The following CHRDL2 variants were observed in gnomAD, a reference collection of about 807,000 sequenced individuals.
CHRDL2 encodes the protein chordin like 2.
In CHRDL2, 41 loss-of-function variants were observed where a neutral mutation model predicts 54.3. The ratio of observed to expected loss-of-function variants is 0.76; its 90% confidence interval spans 0.59 to 0.98. The LOEUF is 0.98. Ranked by LOEUF, CHRDL2 falls within the 50% of genes least tolerant of loss-of-function variation. The probability of loss-of-function intolerance (pLI) is 0.00; values close to 1 mark genes in which losing one functional copy is unlikely to be tolerated. For missense variants in CHRDL2, 518 were observed against 562.4 expected (o/e 0.92, Z 0.80); for synonymous variants, 220 against 224.3 (o/e 0.98, Z 0.17).
At chr11:74,701,553 G>T (rs921871014) in intron 9 of CHRDL2, 1 of 713,270 alleles carries the variant, frequency 1.4e-6, no homozygotes, top group Non-Finnish European at 2.6e-6. Flanking sequence ...CGCATCTGAC[G>T]CCACAAGACA....
At chr11:74,700,643 A>ATTTTTTTT (rs10661880) in intron 9 of CHRDL2, among the ~76,000 whole-genome samples, 1 of 136,012 alleles carries the variant, frequency 7.4e-6, no homozygotes, top group Non-Finnish European at 1.6e-5. Context: ...TATTATTATT[A>ATTTTTTTT]TTTTTTTTTT....
Position 74,704,526 on chromosome 11 carries a change from G to T in CHRDL2, c.711C>A (p.Ser237Arg), listed in dbSNP as rs1208422050. The T allele has an allele frequency of 6.3e-7, 1 of 1,585,588 alleles. No homozygotes were observed. The highest frequency in any genetic ancestry group is 8.5e-7 in the Non-Finnish European group (1 of 1,169,784). Residue 237 changes from serine (S) to arginine (R), a missense_variant, in exon 7 of 11, where the codon AGC becomes AGA. Physicochemically the swap from Ser to Arg is moderately radical, Grantham distance 110. Transcript: ENST00000376332. ...PRHFRPKGAG[S>R]TTVKIVLKEK... is the part of the protein sequence containing the mutation. ...CCTTCAGGACGATCTTGACAGTTGT[G>T]CTGCCTGCTCCCTTGGGTCTGAAGT...
In CHRDL2 at chr11:74,713,237, G is replaced by C. The variant is rs550358455; in HGVS notation, c.289+149C>G. 19 of 626,346 alleles carry C rather than the reference G, an allele frequency of 3.0e-5. No homozygotes were observed. In the South Asian group the frequency reaches 4.0e-4, roughly 13 times the overall value. 38.8% of individuals were successfully genotyped at this position (626,346 alleles called of 1,614,324 possible). The stretch of plus-strand genomic sequence containing the variant: ...ACCCCAGCACTGCCTGGGGATCTGG[G>C]ATATTTCCTCCCTTGAGCACCTTTG... On this transcript the variant is annotated intron_variant, in intron 3 of 10. Transcript: ENST00000376332.
At chr11:74,729,190 C>T (rs2034614101) in intron 1 of CHRDL2, among the ~76,000 whole-genome samples, 1 of 152,160 alleles carries the variant, frequency 6.6e-6, no homozygotes, top group Non-Finnish European at 1.5e-5. Flanking sequence ...GGACTAAGAA[C>T]AAGGTGTCAA....
chr11:74,714,517 C>T (rs1224124410), intron 2 of CHRDL2, among the ~76,000 whole-genome samples: 1 of 152,198 alleles, frequency 6.6e-6, no homozygotes, highest in Admixed American at 6.5e-5. Context: ...CAGCCTCTTG[C>T]CCCATGGAAG....
At chr11:74,727,684 C>T (rs373361527) in intron 1 of CHRDL2, among the ~76,000 whole-genome samples, 22 of 152,164 alleles carry the variant, frequency 1.4e-4, no homozygotes, top group East Asian at 9.7e-4. Flanking sequence ...AGATTACAGG[C>T]GTGAGCCACT....
Position 74,701,430 on chromosome 11 carries a change from C to G in CHRDL2, c.1120+1364G>C, listed in dbSNP as rs1324779163. On this transcript the variant is annotated intron_variant, in intron 9 of 10. Coordinates refer to ENST00000376332, the MANE Select transcript of CHRDL2 (RefSeq NM_001278473.3). ...CTCTGCCTGGGACAGCCCTTCAGAG[C>G]CACGAAGCCAGCAGTCCTGTCCCCC... 3 of 539,476 alleles carry G rather than the reference C, an allele frequency of 5.6e-6. No homozygotes were observed. The Admixed American group carries it at 9.3e-5, about 17-fold the overall frequency. The allele number at this position is 539,476 out of a possible 1,614,324, so 33.4% of individuals were successfully genotyped here. A position where few individuals can be genotyped will look rare whatever the true frequency, so the allele number is the denominator to read the frequency against.
chr11:74,703,487 C>T lies in CHRDL2; in HGVS notation c.764G>A (p.Gly255Asp), dbSNP rs779677559. The change falls in exon 8 of 11, where the codon GGC becomes GAC. Residue 255 changes from glycine (G) to aspartate (D), a missense_variant. Physicochemically the swap from Gly to Asp is moderately conservative, Grantham distance 94. Transcript: ENST00000376332. The stretch of plus-strand genomic sequence containing the variant: ...CTCCCCGTGGGAGTACGTCTTCCCG[C>T]CATGCACACAGGCTGAATAAGGAGG... The part of the protein sequence containing the change: ...KEKHKKACVH[G>D]GKTYSHGEVW... 2 of 1,600,398 alleles carry T rather than the reference C, an allele frequency of 1.2e-6. No individual in the cohort carries two copies. Among genetic ancestry groups the T allele is most frequent in the East Asian group, 2.2e-5 (1 of 44,528 alleles).
intron 9 of CHRDL2, among the ~76,000 whole-genome samples, chr11:74,700,637 A>ATTTT (rs1478150277): frequency 5.0e-5 from 7 of 139,634 alleles, no homozygotes; most frequent in African/African-American, 1.9e-4. Flanking sequence ...TATTATTATT[A>ATTTT]TTATTATTTT....
intron 3 of CHRDL2, among the ~76,000 whole-genome samples, chr11:74,712,461 C>G (rs552323361): frequency 7.2e-5 from 11 of 152,280 alleles, no homozygotes; most frequent in African/African-American, 2.6e-4. Flanking sequence ...TGAGGCCCCC[C>G]AGAGTCGGCA....
At chr11:74,704,687 CTG>C in intron 6 of CHRDL2, 33 bp from the exon 7 acceptor site, 1 of 1,592,960 alleles carries the variant, frequency 6.3e-7, no homozygotes, top group Non-Finnish European at 8.5e-7. Context: ...AAGTCACTGA[CTG>C]AGCATAGCAG....
intron 4 of CHRDL2, among the ~76,000 whole-genome samples, chr11:74,710,387 G>A (rs1473735600): frequency 6.6e-6 from 1 of 152,142 alleles, no homozygotes; most frequent in Admixed American, 6.5e-5. Context: ...CTGCCTGCCC[G>A]GAGGTCCAGC....
At chr11:74,719,828 T>C (rs997265542) in intron 1 of CHRDL2, among the ~76,000 whole-genome samples, 15 of 152,164 alleles carry the variant, frequency 9.9e-5, no homozygotes, top group African/African-American at 3.4e-4. Context: ...CATAACCCAC[T>C]GATCCACTCC....
intron 6 of CHRDL2, among the ~76,000 whole-genome samples, chr11:74,706,087 T>C (rs2034001090): frequency 6.6e-6 from 1 of 151,836 alleles, no homozygotes; most frequent in African/African-American, 2.4e-5. Flanking sequence ...AGAGGCAGGC[T>C]CTAAAGAGCC....
At position 74,702,821 on chromosome 11, in the gene CHRDL2, C is replaced by T; in HGVS notation, c.1093G>A (p.Glu365Lys). ...TTTACCAGCTTCCAGAGGTAGATCT[C>T]CACCAAGTCCGAGGCCTCGTGTTCC... ...ALEHEASDLV[E>K]IYLWKLVKGI... Residue 365 changes from glutamate (E) to lysine (K), a missense_variant, in exon 9 of 11, where the codon GAG becomes AAG. Transcript: ENST00000376332. 1 of 1,613,970 alleles carries T rather than the reference C, an allele frequency of 6.2e-7. No homozygotes were observed. The highest frequency in any genetic ancestry group is 8.5e-7 in the Non-Finnish European group (1 of 1,179,998).
chr11:74,697,312 A>G lies in CHRDL2; in HGVS notation c.1121-15T>C. ...GTGGAAGATTCCTGAGGGCAGAGAC[A>G]AGGATGTGAGCAGGCAAGGCAAAAA... On this transcript the variant is annotated splice_polypyrimidine_tract_variant and intron_variant, in intron 9 of 10. Transcript: ENST00000376332. 5.0e-6 allele frequency: 8 copies of G among 1,608,248 alleles called. No individual in the cohort carries two copies. Among genetic ancestry groups the G allele is most frequent in the Non-Finnish European group, 6.8e-6 (8 of 1,175,212 alleles).
intron 2 of CHRDL2, among the ~76,000 whole-genome samples, chr11:74,713,874 G>A (rs1295489825): frequency 6.6e-6 from 1 of 152,194 alleles, no homozygotes; most frequent in African/African-American, 2.4e-5. Flanking sequence ...AATGAAACAT[G>A]AGGACAGGTG....
At chr11:74,720,458 C>G (rs1328322914) in intron 1 of CHRDL2, 1 of 153,130 alleles carries the variant, frequency 6.5e-6, no homozygotes, top group Non-Finnish European at 1.5e-5. Flanking sequence ...TTCACCTCAT[C>G]TCTCATCTCC....
chr11:74,727,908 G>A (rs535892767), intron 1 of CHRDL2, among the ~76,000 whole-genome samples: 3 of 152,286 alleles, frequency 2.0e-5, no homozygotes, highest in African/African-American at 4.8e-5. Context: ...ACAAAGAGCC[G>A]AGTGTCTAGA....
Sources: allele counts gnomAD v4.1 joint callset (sites outside exome capture counted in the v4.1 genomes callset), GRCh38; gene constraint gnomAD v4.1.1; transcripts MANE v1.5; gene names NCBI Gene and HGNC (gene_info 2026-07-23, HGNC 2026-07-21).